Variants in DDRGK1 observed in about 807,000 individuals in gnomAD.
DDRGK1 encodes the protein DDRGK domain-containing protein 1.
Under a neutral mutation model 45.8 loss-of-function variants are expected in DDRGK1, and 38 were observed. The ratio of observed to expected loss-of-function variants is 0.83; its 90% CI spans 0.64 to 1.09. The LOEUF (loss-of-function observed/expected upper bound fraction) is 1.09, where lower values mean the gene tolerates loss of function less well. Among genes scored for constraint, DDRGK1 ranks in the 50% least tolerant of loss-of-function variants. DDRGK1 has a pLI of 0.00. For missense variants in DDRGK1, 403 were observed against 419.9 expected (o/e 0.96, Z 0.35); for synonymous variants, 171 against 168.7 (o/e 1.01, Z -0.11).
chr20:3,201,194 G>A (rs1324995843), intron 2 of DDRGK1, among the ~76,000 whole-genome samples: 1 of 151,430 alleles, frequency 6.6e-6, no homozygotes, highest in South Asian at 2.1e-4. Context: ...TGAGGCAGGG[G>A]AATGGTGTGA....
intron 4 of DDRGK1, among the ~76,000 whole-genome samples, chr20:3,198,573 G>A (rs1045676716): frequency 1.0e-4 from 15 of 150,062 alleles, no homozygotes; most frequent in African/African-American, 3.2e-4. Flanking sequence ...GGTGGCACAT[G>A]CCTGTAATCC....
rs2067043317 is a variant in DDRGK1 at position 3,202,193 on chromosome 20, A to G, written c.295+1020T>C. On this transcript the variant is annotated intron_variant, in intron 2 of 8. Coordinates refer to ENST00000354488, the MANE Select transcript of DDRGK1 (RefSeq NM_023935.3). ...ATGGTCTCGATCTCCTGACCTCGTG[A>G]TCCACCCTCCTTGGCCTCCCAAAGT... Among the ~76,000 whole-genome samples the G allele has an allele frequency of 8.6e-5, 13 of 151,208 alleles. 1 individual carries two copies. The South Asian group carries it at 2.7e-3, about 32-fold the overall frequency.
intron 4 of DDRGK1, among the ~76,000 whole-genome samples, chr20:3,198,394 C>G (rs1410649044): frequency 8.6e-6 from 1 of 115,794 alleles, no homozygotes; most frequent in East Asian, 2.6e-4. Context: ...CAGAGAGGGA[C>G]TCTGTCTCAA....
intron 2 of DDRGK1, among the ~76,000 whole-genome samples, chr20:3,201,437 C>A (rs1296097950): frequency 2.0e-5 from 3 of 150,066 alleles, no homozygotes; most frequent in Non-Finnish European, 4.4e-5. Flanking sequence ...CGAGATCACG[C>A]CACTGCACTC....
At chr20:3,201,177 G>T (rs1423530604) in intron 2 of DDRGK1, among the ~76,000 whole-genome samples, 1 of 150,302 alleles carries the variant, frequency 6.7e-6, no homozygotes, top group Non-Finnish European at 1.5e-5. Context: ...CCAGCTACTC[G>T]GGAGGCTGAG....
Position 3,203,320 on chromosome 20 carries a change from C to T in DDRGK1, c.188G>A (p.Arg63Lys). ...LEPEEPRAGG[R>K]PRRRRDLGSR... ...GCCCAGGTCCCTCCGGCGCCGAGGC[C>T]TGCCTCCAGCTCTCGGCTCCTCAGG... Residue 63 changes from arginine to lysine, a missense_variant, in exon 2 of 9, where the codon AGG becomes AAG. Arg to Lys is a conservative substitution (Grantham distance 26, BLOSUM62 2). Transcript: ENST00000354488. The T allele has an allele frequency of 1.2e-6, 2 of 1,608,974 alleles. No homozygotes were observed. Among genetic ancestry groups the T allele is most frequent in the Non-Finnish European group, 1.7e-6 (2 of 1,177,374 alleles).
intron 4 of DDRGK1, among the ~76,000 whole-genome samples, chr20:3,198,402 CAAA>C (rs34379071): frequency 2.7e-5 from 2 of 75,264 alleles, no homozygotes; most frequent in African/African-American, 5.2e-5. Context: ...GACTCTGTCT[CAAA>C]AAAAAAAAAA....
rs1600472712 is a variant in DDRGK1, at chr20:3,195,456, C to G, written c.511-103G>C. On this transcript the variant is annotated intron_variant, in intron 4 of 8. Transcript: ENST00000354488. ...CAGGACACCAGAGCATATAGCCCAG[C>G]CTTTTCTCAGAGACAGAGCTCCTTC... is the stretch of plus-strand genomic sequence containing the variant. 4.1e-6 allele frequency: 6 copies of G among 1,459,632 alleles called. No homozygotes were observed. The East Asian group carries it at 9.7e-5, about 24-fold the overall frequency. The allele number at this position is 1,459,632 out of a possible 1,614,324, so 90.4% of individuals were successfully genotyped here. A position where few individuals can be genotyped will look rare whatever the true frequency, so the allele number is the denominator to read the frequency against.
chr20:3,195,215 G>C lies in DDRGK1; in HGVS notation c.633+16C>G. ...GATGGGTGCAGAGAGGGGCTTCCCAGGGGCAGCAGGCCCACCTGTTCCTCA... is the reference window on the plus strand; with the variant it reads ...GATGGGTGCAGAGAGGGGCTTCCCACGGGCAGCAGGCCCACCTGTTCCTCA... On this transcript the variant is annotated intron_variant, in intron 5 of 8. Transcript: ENST00000354488. 3 of 1,613,970 alleles carry C rather than the reference G, an allele frequency of 1.9e-6. No individual in the cohort carries two copies. The highest frequency in any genetic ancestry group is 2.5e-6 in the Non-Finnish European group (3 of 1,179,936).
At chr20:3,201,348 A>G (rs932650423) in intron 2 of DDRGK1, among the ~76,000 whole-genome samples, 1 of 150,864 alleles carries the variant, frequency 6.6e-6, no homozygotes, top group Non-Finnish European at 1.5e-5. Context: ...AGCCCCAGCT[A>G]CTAGGGACGC....
At chr20:3,192,759 T>C (rs1221684190) in intron 6 of DDRGK1, among the ~76,000 whole-genome samples, 1 of 152,308 alleles carries the variant, frequency 6.6e-6, no homozygotes, top group African/African-American at 2.4e-5. Flanking sequence ...AAAAGGCAGT[T>C]CTTTTGCATT....
chr20:3,202,764 T>A (rs2067045470), intron 2 of DDRGK1, among the ~76,000 whole-genome samples: 1 of 152,152 alleles, frequency 6.6e-6, no homozygotes, highest in Admixed American at 6.5e-5. Context: ...AGGGCTCTCC[T>A]GGTCTCCTGG....
intron 6 of DDRGK1, among the ~76,000 whole-genome samples, chr20:3,193,194 C>T (rs910798014): frequency 6.6e-6 from 1 of 152,190 alleles, no homozygotes; most frequent in African/African-American, 2.4e-5. Context: ...GTGAACCCTA[C>T]ACCTCTCATA....
rs76126867 is a variant in DDRGK1 at position 3,203,207 on chromosome 20, T to C, written c.295+6A>G. On this transcript the variant is annotated splice_donor_region_variant and intron_variant, in intron 2 of 8. Coordinates refer to ENST00000354488, the MANE Select transcript of DDRGK1 (RefSeq NM_023935.3). ...CCCTCTCCCCACCAGGCTGGGCCCC[T>C]CTCACCTAGGATGACAGCTTCCTCC... The C allele has an allele frequency of 2.4e-3, 3,650 of 1,552,970 alleles. 59 individuals carry two copies. In the African/African-American group the frequency reaches 0.038, roughly 16 times the overall value.
At chr20:3,198,710 A>AC (rs1185885294) in intron 4 of DDRGK1, among the ~76,000 whole-genome samples, 12 of 145,142 alleles carry the variant, frequency 8.3e-5, no homozygotes, top group African/African-American at 2.8e-4. Context: ...CAAAAAAAAA[A>AC]AAAAAAAAAC....
chr20:3,204,502 G>T, intron 1 of DDRGK1, 35 bp downstream of exon 1: 1 of 1,536,680 alleles, frequency 6.5e-7, no homozygotes, highest in South Asian at 1.2e-5. Context: ...CAGAAAACCC[G>T]GTACCACCAA....
At position 3,203,341 on chromosome 20, in the gene DDRGK1, T is replaced by C. The variant is rs773158814; in HGVS notation, c.167A>G (p.Glu56Gly). Reference protein sequence around the residue: ...RVAQPGPLEPEEPRAGGRPRR... With the variant: ...RVAQPGPLEPGEPRAGGRPRR... The stretch of plus-strand genomic sequence containing the variant: ...AGGCCTGCCTCCAGCTCTCGGCTCC[T>C]CAGGCTCCAGGGGCCCAGGCTGGGC... The change falls in exon 2 of 9, where the codon GAG becomes GGG. Residue 56 changes from glutamate (E) to glycine (G), a missense_variant. By Grantham distance (98) the Glu-to-Gly change is moderately conservative. Transcript: ENST00000354488. 5 of 1,609,056 alleles carry C rather than the reference T, an allele frequency of 3.1e-6. No individual in the cohort carries two copies. The South Asian group carries it at 5.5e-5, about 18-fold the overall frequency.
At chr20:3,204,422 A>G in intron 1 of DDRGK1, 115 bp downstream of exon 1, 2 of 1,072,142 alleles carry the variant, frequency 1.9e-6, no homozygotes, top group South Asian at 1.5e-5. Flanking sequence ...ACGGACGCGC[A>G]TGCGTCCCGC....
Position 3,204,673 on chromosome 20 carries a change from G to T in DDRGK1, c.-46C>A, listed in dbSNP as rs964680661. 1.3e-6 allele frequency: 2 copies of T among 1,527,178 alleles called. No homozygotes were observed. The highest frequency in any genetic ancestry group is 1.8e-6 in the Non-Finnish European group (2 of 1,135,390). The allele number at this position is 1,527,178 out of a possible 1,614,324, so 94.6% of individuals were successfully genotyped here. ...ACCACTGCGTCCACCCTGAGGCCGG[G>T]ATCTCATAGGCCCCGCCCCTATTTC... On this transcript the variant is annotated 5_prime_UTR_variant, in exon 1 of 9. Coordinates refer to ENST00000354488, the MANE Select transcript of DDRGK1 (RefSeq NM_023935.3).
Sources: allele counts gnomAD v4.1 joint callset (sites outside exome capture counted in the v4.1 genomes callset), GRCh38; gene constraint gnomAD v4.1.1; transcripts MANE v1.5; gene names NCBI Gene and HGNC (gene_info 2026-07-23, HGNC 2026-07-21).